Variants in NRXN3 observed in about 807,000 individuals in gnomAD.
The protein encoded by NRXN3 is neurexin III.
In NRXN3, 32 loss-of-function variants were observed where a neutral mutation model predicts 137.6. That is an observed-to-expected ratio of 0.23 (90% confidence interval 0.18 to 0.31). NRXN3 has a LOEUF of 0.31. Ranked by LOEUF, NRXN3 falls within the 10% of genes least tolerant of loss-of-function variation. The probability of loss-of-function intolerance (pLI) is 1.00; values close to 1 mark genes in which losing one functional copy is unlikely to be tolerated. For missense variants in NRXN3, 1,574 were observed against 2,062.5 expected (o/e 0.76, Z 4.59); for synonymous variants, 798 against 784.5 (o/e 1.02, Z -0.29).
intron 6 of NRXN3, among the ~76,000 whole-genome samples, chr14:78,689,372 C>T (rs1460344137): frequency 6.6e-6 from 1 of 152,124 alleles, no homozygotes; most frequent in Non-Finnish European, 1.5e-5. Context: ...GTTAGAACTA[C>T]TGAGGGGCAT....
chr14:79,662,113 C>T (rs2098537254), intron 16 of NRXN3, among the ~76,000 whole-genome samples: 2 of 152,098 alleles, frequency 1.3e-5, no homozygotes, highest in East Asian at 3.9e-4. Flanking sequence ...TTTCCAGGCC[C>T]CCACAGCCAT....
chr14:78,356,900 A>G (rs1261553823), intron 4 of NRXN3, among the ~76,000 whole-genome samples: 1 of 152,220 alleles, frequency 6.6e-6, no homozygotes, highest in Non-Finnish European at 1.5e-5. Context: ...TGAAAAAATA[A>G]ATGCAGTGAC....
intron 16 of NRXN3, among the ~76,000 whole-genome samples, chr14:79,597,549 T>C (rs2097871403): frequency 6.6e-6 from 1 of 152,220 alleles, no homozygotes; most frequent in Admixed American, 6.5e-5. Context: ...CTTAGTTCCC[T>C]TTATAGATAT....
At chr14:78,668,530 G>A (rs187547481) in intron 6 of NRXN3, among the ~76,000 whole-genome samples, 346 of 152,278 alleles carry the variant, frequency 2.3e-3, no homozygotes, top group Non-Finnish European at 4.1e-3. Context: ...GGGGAGTAAA[G>A]GGATATTGAA....
chr14:78,633,512 A>C (rs1006160143), intron 4 of NRXN3, among the ~76,000 whole-genome samples: 1 of 152,034 alleles, frequency 6.6e-6, no homozygotes, highest in Non-Finnish European at 1.5e-5. Flanking sequence ...TCTTTCATTT[A>C]ATTATTTCAG....
At chr14:78,318,926 CT>C (rs1311383387) in intron 4 of NRXN3, among the ~76,000 whole-genome samples, 3 of 152,216 alleles carry the variant, frequency 2.0e-5, no homozygotes, top group Non-Finnish European at 4.4e-5. Context: ...CCCGAATCAT[CT>C]GGACATCTTG....
intron 4 of NRXN3, among the ~76,000 whole-genome samples, chr14:78,492,424 G>A (rs901711647): frequency 1.4e-4 from 22 of 152,250 alleles, no homozygotes; most frequent in Middle Eastern, 3.4e-3. Flanking sequence ...AATTAAATAA[G>A]ATCGTGCATA....
In NRXN3 at chr14:79,104,860, T is replaced by C; in HGVS notation, c.3262+116719T>C. On this transcript the variant is annotated intron_variant, in intron 15 of 20. Transcript: ENST00000335750. Reference sequence around the variant, plus strand: ...TTTCCTTTGGGTAAGCCTTTAGCAATTGCTATATCCAACATTTCAAAGAAG... The same window carrying C: ...TTTCCTTTGGGTAAGCCTTTAGCAACTGCTATATCCAACATTTCAAAGAAG... 1.3e-5 allele frequency among the ~76,000 whole-genome samples: 2 copies of C among 151,494 alleles called. 1 individual carries two copies. Among genetic ancestry groups the C allele is most frequent in the Non-Finnish European group, 2.9e-5 (2 of 67,910 alleles).
chr14:78,434,215 TA>T (rs1170478179), intron 4 of NRXN3, among the ~76,000 whole-genome samples: 1 of 152,184 alleles, frequency 6.6e-6, no homozygotes, highest in African/African-American at 2.4e-5. Context: ...CACACCATCG[TA>T]AAGCTGAAAA....
At chr14:78,315,670 G>C (rs910191905) in intron 4 of NRXN3, among the ~76,000 whole-genome samples, 7 of 152,186 alleles carry the variant, frequency 4.6e-5, no homozygotes, top group African/African-American at 1.7e-4. Flanking sequence ...AAGTGATTGG[G>C]ATCTTAGCTT....
intron 15 of NRXN3, among the ~76,000 whole-genome samples, chr14:79,108,883 A>G (rs1479316112): frequency 6.6e-6 from 1 of 152,172 alleles, no homozygotes; most frequent in Non-Finnish European, 1.5e-5. Context: ...GAAAGCTTAA[A>G]GAGAACTAAT....
intron 19 of NRXN3, among the ~76,000 whole-genome samples, chr14:79,752,730 A>C (rs2047244069): frequency 6.6e-6 from 1 of 152,092 alleles, no homozygotes; most frequent in Admixed American, 6.5e-5. Flanking sequence ...GATCTAATTA[A>C]ACTAAAGAGC....
At chr14:79,696,492 T>G (rs1450320832) in intron 18 of NRXN3, among the ~76,000 whole-genome samples, 1 of 151,954 alleles carries the variant, frequency 6.6e-6, no homozygotes, top group East Asian at 2.0e-4. Flanking sequence ...AAAAGCAAAA[T>G]GAAGTAATCT....
At chr14:79,441,309 A>C (rs1422632026) in intron 15 of NRXN3, among the ~76,000 whole-genome samples, 1 of 151,212 alleles carries the variant, frequency 6.6e-6, no homozygotes, top group Non-Finnish European at 1.5e-5. Context: ...ATTTTGAGGG[A>C]AATAAACAGC....
chr14:78,475,321 C>T (rs1317498564), intron 4 of NRXN3, among the ~76,000 whole-genome samples: 1 of 152,190 alleles, frequency 6.6e-6, no homozygotes, highest in Non-Finnish European at 1.5e-5. Flanking sequence ...AAGCTGCTTG[C>T]ATCAGGCTTA....
At chr14:78,570,772 G>A (rs2096882014) in intron 4 of NRXN3, among the ~76,000 whole-genome samples, 1 of 152,212 alleles carries the variant, frequency 6.6e-6, no homozygotes, top group Non-Finnish European at 1.5e-5. Context: ...TTAAGTGATT[G>A]CATTGGTGAC....
intron 15 of NRXN3, among the ~76,000 whole-genome samples, chr14:79,035,386 A>G (rs181525551): frequency 1.3e-4 from 20 of 152,222 alleles, no homozygotes; most frequent in African/African-American, 4.8e-4. Flanking sequence ...TTCATTATAT[A>G]AAACGTGCCA....
At chr14:79,746,180 C>T (rs1025324774) in intron 19 of NRXN3, among the ~76,000 whole-genome samples, 1 of 152,116 alleles carries the variant, frequency 6.6e-6, no homozygotes, top group African/African-American at 2.4e-5. Flanking sequence ...ATTCCCTAAA[C>T]TTGCTGAAAC....
intron 16 of NRXN3, among the ~76,000 whole-genome samples, chr14:79,470,524 G>A (rs1299846992): frequency 2.6e-5 from 4 of 152,122 alleles, no homozygotes; most frequent in Admixed American, 6.5e-5. Flanking sequence ...TGACCTAAGC[G>A]CTTTCCAAAG....
Sources: gnomAD v4.1 joint callset for allele counts (sites outside exome capture counted in the v4.1 genomes callset) on GRCh38, gnomAD v4.1.1 for gene constraint, MANE v1.5 for transcripts, NCBI Gene and HGNC (gene_info 2026-07-23, HGNC 2026-07-21) for gene names.